CSMD1: variants seen among roughly 807,000 people sequenced by gnomAD.
CSMD1 encodes the protein CUB and sushi domain-containing protein 1.
In CSMD1, 213 loss-of-function variants were observed where a neutral mutation model predicts 417.5. The ratio of observed to expected loss-of-function variants is 0.51; its 90% CI spans 0.46 to 0.57. CSMD1 has a LOEUF of 0.57. CSMD1 is among the 20% of genes least tolerant of loss of function. The pLI, the probability that CSMD1 is intolerant of heterozygous loss-of-function variation, is 0.00. For missense variants in CSMD1, 6,923 were observed against 4,529.7 expected, an observed-to-expected ratio of 1.53 and a Z score of -15.17; for synonymous variants, 2,862 against 1,736.8, an observed-to-expected ratio of 1.65 and a Z score of -16.11.
At chr8:3,046,217 G>T (rs2128986183) in intron 50 of CSMD1, among the ~76,000 whole-genome samples, 1 of 152,326 alleles carries the variant, frequency 6.6e-6, no homozygotes, top group South Asian at 2.1e-4. Context: ...AGGTGAGGCA[G>T]CGGGGGTTTC....
At chr8:3,862,515 G>A (rs1440948759) in intron 5 of CSMD1, among the ~76,000 whole-genome samples, 1 of 152,070 alleles carries the variant, frequency 6.6e-6, no homozygotes, top group East Asian at 1.9e-4. Flanking sequence ...CCTTACAACT[G>A]TTTGCTACCA....
At chr8:3,789,929 C>T (rs1306165278) in intron 5 of CSMD1, among the ~76,000 whole-genome samples, 6 of 152,002 alleles carry the variant, frequency 3.9e-5, no homozygotes, top group African/African-American at 1.5e-4. Flanking sequence ...GACGGGGTTT[C>T]ACCATGTTAG....
chr8:4,147,442 A>T (rs909545097), intron 3 of CSMD1, among the ~76,000 whole-genome samples: 1 of 152,046 alleles, frequency 6.6e-6, no homozygotes, highest in Non-Finnish European at 1.5e-5. Context: ...TACCTTCTGG[A>T]AAGTCCCACG....
At chr8:4,738,608 G>C (rs542287906) in intron 1 of CSMD1, among the ~76,000 whole-genome samples, 6 of 152,076 alleles carry the variant, frequency 3.9e-5, no homozygotes, top group African/African-American at 1.2e-4. Flanking sequence ...TCACCATCTA[G>C]CATCTGTATT....
intron 12 of CSMD1, among the ~76,000 whole-genome samples, chr8:3,442,380 A>C (rs6558773): frequency 6.6e-6 from 1 of 151,828 alleles, no homozygotes; most frequent in African/African-American, 2.4e-5. Flanking sequence ...ACTCACCCAG[A>C]ACAACTTCCC....
intron 7 of CSMD1, among the ~76,000 whole-genome samples, chr8:3,660,937 G>A (rs1022101188): frequency 1.4e-4 from 22 of 152,276 alleles, no homozygotes; most frequent in African/African-American, 5.1e-4. Context: ...TTGAGTTCCT[G>A]CACACACAAG....
intron 3 of CSMD1, among the ~76,000 whole-genome samples, chr8:4,207,776 C>T (rs892239088): frequency 6.6e-6 from 1 of 151,984 alleles, no homozygotes. Context: ...GATAGCAAAC[C>T]ATTAGAACTG....
chr8:4,169,980 T>C (rs569544815), intron 3 of CSMD1, among the ~76,000 whole-genome samples: 3 of 151,854 alleles, frequency 2.0e-5, no homozygotes, highest in Non-Finnish European at 4.4e-5. Flanking sequence ...GTATCCTTTG[T>C]GCATAGAAGA....
chr8:3,937,414 C>T lies in CSMD1; in HGVS notation c.818+60489G>A, dbSNP rs556467148. Among the ~76,000 whole-genome samples, 9 of 152,238 alleles carry T rather than the reference C, an allele frequency of 5.9e-5. No individual in the cohort carries two copies. The East Asian group carries it at 1.4e-3, about 23-fold the overall frequency. On this transcript the variant is annotated intron_variant, in intron 5 of 69. Transcript: ENST00000635120. ...TCTTATTTTAAGAAATTGCAAGTCA[C>T]CTCAATTCTCAGCAACTACCACCCT...
chr8:4,741,259 G>A (rs533114399), intron 1 of CSMD1, among the ~76,000 whole-genome samples: 4 of 152,232 alleles, frequency 2.6e-5, no homozygotes, highest in Non-Finnish European at 5.9e-5. Context: ...TTAAAGAAGA[G>A]CATCTTTGTG....
At chr8:4,287,599 A>C (rs1034103137) in intron 3 of CSMD1, among the ~76,000 whole-genome samples, 1 of 152,144 alleles carries the variant, frequency 6.6e-6, no homozygotes, top group Admixed American at 6.6e-5. Context: ...TCCAGGGACC[A>C]GGTTAAGTAC....
intron 5 of CSMD1, among the ~76,000 whole-genome samples, chr8:3,909,394 A>T (rs1234763591): frequency 6.6e-6 from 1 of 152,144 alleles, no homozygotes; most frequent in African/African-American, 2.4e-5. Flanking sequence ...CCAAATCTAC[A>T]GGAAAAATGA....
intron 8 of CSMD1, among the ~76,000 whole-genome samples, chr8:3,610,172 T>C (rs1033775778): frequency 6.6e-6 from 1 of 152,116 alleles, no homozygotes; most frequent in African/African-American, 2.4e-5. Context: ...TACTTGGCTG[T>C]AGTCCAGCAG....
At chr8:3,475,717 A>C (rs541459912) in intron 11 of CSMD1, among the ~76,000 whole-genome samples, 2 of 152,360 alleles carry the variant, frequency 1.3e-5, no homozygotes, top group South Asian at 4.1e-4. Context: ...TGTTGAACTG[A>C]AATCAACAGT....
At position 4,115,518 on chromosome 8, in the gene CSMD1, G is replaced by A. The variant is rs578162940; in HGVS notation, c.416-83419C>T. ...CAACTAAAAATTATCTTGAAAAAACGTAGGATTCTTTCACTTTTGTCAGCT... is the reference window on the plus strand; with the variant it reads ...CAACTAAAAATTATCTTGAAAAAACATAGGATTCTTTCACTTTTGTCAGCT... On this transcript the variant is annotated intron_variant, in intron 3 of 69. Transcript: ENST00000635120. 5.9e-5 allele frequency among the ~76,000 whole-genome samples: 9 copies of A among 152,034 alleles called. No homozygotes were observed. The East Asian group carries it at 9.7e-4, about 16-fold the overall frequency.
intron 2 of CSMD1, among the ~76,000 whole-genome samples, chr8:4,605,974 T>C (rs1379635559): frequency 1.3e-5 from 2 of 152,142 alleles, no homozygotes; most frequent in Non-Finnish European, 2.9e-5. Flanking sequence ...GCAGAGCCAA[T>C]GGACAAAGCC....
chr8:3,691,228 C>T (rs886244807), intron 7 of CSMD1, among the ~76,000 whole-genome samples: 1 of 151,908 alleles, frequency 6.6e-6, no homozygotes, highest in Admixed American at 6.6e-5. Context: ...ATTAGCCGGG[C>T]ACGGTAACAG....
chr8:2,980,909 G>A (rs569534826), intron 54 of CSMD1, among the ~76,000 whole-genome samples: 2 of 152,274 alleles, frequency 1.3e-5, no homozygotes, highest in African/African-American at 4.8e-5. Context: ...AAAAATGTTT[G>A]AAAGCAATAA....
At chr8:4,183,029 G>T (rs1333330788) in intron 3 of CSMD1, among the ~76,000 whole-genome samples, 1 of 152,174 alleles carries the variant, frequency 6.6e-6, no homozygotes, top group South Asian at 2.1e-4. Context: ...TGAGTAGAAA[G>T]TACACGTGAT....
Sources: gnomAD v4.1 joint callset for allele counts (sites outside exome capture counted in the v4.1 genomes callset) on GRCh38, gnomAD v4.1.1 for gene constraint, MANE v1.5 for transcripts, NCBI Gene and HGNC (gene_info 2026-07-23, HGNC 2026-07-21) for gene names.